CENPO: variants seen among roughly 807,000 people sequenced by gnomAD.
CENPO encodes centromere protein O, also known as centromeric protein O.
Under a neutral mutation model 36.1 loss-of-function variants are expected in CENPO, and 30 were observed. The observed-to-expected ratio is 0.83, with a 90% confidence interval of 0.62 to 1.13. CENPO has a LOEUF of 1.13. Among genes scored for constraint, CENPO ranks in the 50% most tolerant of loss-of-function variants. CENPO has a pLI of 0.00. For missense variants in CENPO, 349 were observed against 357.8 expected, an observed-to-expected ratio of 0.98 and a Z score of 0.20; for synonymous variants, 171 against 142.3, an observed-to-expected ratio of 1.20 and a Z score of -1.44.
Position 24,822,334 on chromosome 2 carries a change from CTGCT to C in CENPO, c.*3020_*3023del, listed in dbSNP as rs2148357934. 1 of 895,024 alleles carries C rather than the reference CTGCT, an allele frequency of 1.1e-6. No individual in the cohort carries two copies. Among genetic ancestry groups the C allele is most frequent in the African/African-American group, 1.7e-5 (1 of 59,706 alleles). The allele number at this position is 895,024 out of a possible 1,614,324, so 55.4% of individuals were successfully genotyped here. A position where few individuals can be genotyped will look rare whatever the true frequency, so the allele number is the denominator to read the frequency against. ...GGGGTTGTGTGTCTGTTCTGTTTCT[CTGCT>C]TGCCGAACTTTCTCAATAAACCCTA... On this transcript the variant is annotated 3_prime_UTR_variant, in exon 8 of 8. Transcript: ENST00000380834.
intron 3 of CENPO, among the ~76,000 whole-genome samples, chr2:24,801,825 C>T (rs560395054): frequency 2.0e-5 from 3 of 152,216 alleles, no homozygotes; most frequent in South Asian, 4.2e-4. Context: ...TTTTTGGTTC[C>T]ATATGAATTT....
rs374439681 is a variant in CENPO at position 24,799,656 on chromosome 2, C to T, written c.47-19C>T. The T allele has an allele frequency of 3.8e-6, 6 of 1,564,634 alleles. No homozygotes were observed. Among genetic ancestry groups the T allele is most frequent in the Non-Finnish European group, 5.2e-6 (6 of 1,149,400 alleles). ...GAAATCCTCAGCTTCTTGTAAAATT[C>T]TCCTTTTACTCTCCTTAGGTGTTTT... On this transcript the variant is annotated intron_variant, in intron 2 of 7. Coordinates refer to ENST00000380834, the MANE Select transcript of CENPO (RefSeq NM_001322101.2).
chr2:24,815,840 CCTAA>C lies in CENPO; in HGVS notation c.594+87_594+90del, dbSNP rs1252111991. 99 of 1,309,402 alleles carry C rather than the reference CCTAA, an allele frequency of 7.6e-5. No homozygotes were observed. In the African/African-American group the frequency reaches 1.4e-3, roughly 18 times the overall value. The allele number at this position is 1,309,402 out of a possible 1,614,324, so 81.1% of individuals were successfully genotyped here. ...GATGTTTTTTGTATTTTCAGTGTTT[CCTAA>C]CTGTGAGTTAGAAGTTTGACCGTTA... On this transcript the variant is annotated intron_variant, in intron 5 of 7. Transcript: ENST00000380834.
rs761004485 is a variant in CENPO at position 24,793,972 on chromosome 2, A to C, written c.46+7A>C. 6.2e-7 allele frequency: 1 copy of C among 1,607,026 alleles called. No individual in the cohort carries two copies. The highest frequency in any genetic ancestry group is 2.2e-5 in the East Asian group (1 of 44,842). ...GATGGCGAGTCCAAAGGAGGTATTC[A>C]GAGGGTCGCCGCCTCCTTCCTGCTG... On this transcript the variant is annotated splice_region_variant and intron_variant, in intron 2 of 7. Coordinates refer to ENST00000380834, the MANE Select transcript of CENPO (RefSeq NM_001322101.2).
intron 3 of CENPO, among the ~76,000 whole-genome samples, chr2:24,813,018 G>C (rs1170135064): frequency 6.6e-6 from 1 of 151,910 alleles, no homozygotes; most frequent in Non-Finnish European, 1.5e-5. Flanking sequence ...GGCCAAGGCG[G>C]GTGGATCATC....
chr2:24,819,844 C>CA lies in CENPO; in HGVS notation c.*527dup. On this transcript the variant is annotated 3_prime_UTR_variant, in exon 8 of 8. Transcript: ENST00000380834. ...TCTAAACCTAAAGTCCATGAGTGTGCACTTCAATCCAGGAAGGTCGGGACT... is the reference window on the plus strand; with the variant it reads ...TCTAAACCTAAAGTCCATGAGTGTGCAACTTCAATCCAGGAAGGTCGGGACT... 1 of 1,380,762 alleles carries CA rather than the reference C, an allele frequency of 7.2e-7. No homozygotes were observed. The highest frequency in any genetic ancestry group is 9.9e-7 in the Non-Finnish European group (1 of 1,005,924). The allele number at this position is 1,380,762 out of a possible 1,614,324, so 85.5% of individuals were successfully genotyped here.
rs1202798139 is a variant in CENPO, at chr2:24,815,499, C to G, written c.337C>G (p.Leu113Val). The change falls in exon 5 of 8, where the codon CTC becomes GTC. Residue 113 changes from leucine (L) to valine (V), a missense_variant and splice_region_variant. Physicochemically the swap from Leu to Val is conservative, Grantham distance 32. Coordinates refer to ENST00000380834, the MANE Select transcript of CENPO (RefSeq NM_001322101.2). ...AILQAYHFTG[L>V]SGKLTSRGVC... ...AGGTGTCTTCTTGTTTGCCTCAGGCCTCAGTGGTAAACTGACCAGCCGAGG... is the reference window on the plus strand; with the variant it reads ...AGGTGTCTTCTTGTTTGCCTCAGGCGTCAGTGGTAAACTGACCAGCCGAGG... 1 of 1,613,736 alleles carries G rather than the reference C, an allele frequency of 6.2e-7. No homozygotes were observed. Among genetic ancestry groups the G allele is most frequent in the Non-Finnish European group, 8.5e-7 (1 of 1,179,676 alleles).
At position 24,820,175 on chromosome 2, in the gene CENPO, T is replaced by TGGGGGGGG; in HGVS notation, c.*862_*863insGGGGGGGG. 10 of 425,502 alleles carry TGGGGGGGG rather than the reference T, an allele frequency of 2.4e-5. No individual in the cohort carries two copies. The highest frequency in any genetic ancestry group is 6.5e-4 in the Middle Eastern group (1 of 1,550). The allele number at this position is 425,502 out of a possible 1,614,324, so 26.4% of individuals were successfully genotyped here. A position where few individuals can be genotyped will look rare whatever the true frequency, so the allele number is the denominator to read the frequency against. ...GGGGGGAGCCTAGACTGAGGGCGGG[T>TGGGGGGGG]GGGGGCTTTGGGTGGTTGGAGCCGA... On this transcript the variant is annotated 3_prime_UTR_variant, in exon 8 of 8. Coordinates refer to ENST00000380834, the MANE Select transcript of CENPO (RefSeq NM_001322101.2).
intron 7 of CENPO, among the ~76,000 whole-genome samples, chr2:24,818,255 GCT>G (rs1291677093): frequency 6.6e-6 from 1 of 152,116 alleles, no homozygotes; most frequent in Non-Finnish European, 1.5e-5. Flanking sequence ...TTCAGAAAGG[GCT>G]CTCACAGAAA....
intron 3 of CENPO, among the ~76,000 whole-genome samples, chr2:24,801,341 G>A (rs1328833392): frequency 1.6e-4 from 24 of 152,072 alleles, no homozygotes; most frequent in South Asian, 2.1e-4. Context: ...ATTAGATCCC[G>A]TTTGTCAATT....
intron 2 of CENPO, among the ~76,000 whole-genome samples, chr2:24,798,489 C>T (rs559413962): frequency 5.9e-5 from 9 of 151,420 alleles, no homozygotes; most frequent in South Asian, 2.1e-4. Context: ...TTTTTTGAGA[C>T]GGAGTCTGTC....
rs555502959 is a variant in CENPO at position 24,814,483 on chromosome 2, T to C, written c.324T>C (p.Tyr108=). The change falls in exon 4 of 8, where the codon TAT becomes TAC. Residue 108 remains tyrosine, a synonymous_variant. Transcript: ENST00000380834. ...LENVKAILQA[Y]HFTGLSGKLT... ...ATGTGAAAGCCATTCTGCAGGCATATCATTTTACAGGTTTTGTTTGTTTTT... is the reference window on the plus strand; with the variant it reads ...ATGTGAAAGCCATTCTGCAGGCATACCATTTTACAGGTTTTGTTTGTTTTT... The C allele has an allele frequency of 1.5e-5, 22 of 1,507,844 alleles. No individual in the cohort carries two copies. The Admixed American group carries it at 1.5e-4, about 10-fold the overall frequency. 93.4% of individuals were successfully genotyped at this position (1,507,844 alleles called of 1,614,324 possible).
intron 3 of CENPO, among the ~76,000 whole-genome samples, chr2:24,805,671 A>G (rs1294628346): frequency 6.6e-6 from 1 of 152,082 alleles, no homozygotes; most frequent in Non-Finnish European, 1.5e-5. Context: ...CTGCTGCCTG[A>G]TCGTTCCTCT....
rs1356141279 is a variant in CENPO, at chr2:24,817,537, A to T, written c.767-133A>T. 1.1e-5 allele frequency: 13 copies of T among 1,146,656 alleles called. No homozygotes were observed. In the African/African-American group the frequency reaches 2.0e-4, roughly 18 times the overall value. 71.0% of individuals were successfully genotyped at this position (1,146,656 alleles called of 1,614,324 possible). On this transcript the variant is annotated intron_variant, in intron 6 of 7. Coordinates refer to ENST00000380834, the MANE Select transcript of CENPO (RefSeq NM_001322101.2). ...TCCAGGTTCCGATTCCCCCAGCTGC[A>T]CTGAGTGAGATTGAATGTCAGTGAT...
chr2:24,793,777 AGTGGTGT>A, intron 1 of CENPO, 68 bp from the exon 2 acceptor site: 1 of 1,158,294 alleles, frequency 8.6e-7, no homozygotes, highest in Non-Finnish European at 1.3e-6. Context: ...GTTGTGCCTG[AGTGGTGT>A]GTGCCCTGCC....
intron 1 of CENPO, 83 bp downstream of exon 1, chr2:24,793,584 A>C (rs1339240375): frequency 2.7e-6 from 4 of 1,472,744 alleles, no homozygotes; most frequent in Non-Finnish European, 3.6e-6. Flanking sequence ...CGGCCTTCTT[A>C]AAACTCCTTC....
rs1667579983 is a variant in CENPO at position 24,821,012 on chromosome 2, C to T, written c.*1694C>T. ...TATTGGAGGGTGGAAATCACATCTC[C>T]TGTTTATCCGTGTGCTTGTTAGGTG... On this transcript the variant is annotated 3_prime_UTR_variant, in exon 8 of 8. Transcript: ENST00000380834. 9.9e-7 allele frequency: 1 copy of T among 1,006,954 alleles called. No individual in the cohort carries two copies. The highest frequency in any genetic ancestry group is 1.4e-6 in the Non-Finnish European group (1 of 705,018). The allele number at this position is 1,006,954 out of a possible 1,614,324, so 62.4% of individuals were successfully genotyped here.
intron 3 of CENPO, among the ~76,000 whole-genome samples, chr2:24,810,823 TTCTG>T (rs2148279584): frequency 6.6e-6 from 1 of 152,272 alleles, no homozygotes; most frequent in African/African-American, 2.4e-5. Flanking sequence ...GGTAAGTTTT[TTCTG>T]TCTTTCTGCT....
At chr2:24,811,282 C>CTTTTGTTTTT (rs1666670244) in intron 3 of CENPO, among the ~76,000 whole-genome samples, 3 of 105,552 alleles carry the variant, frequency 2.8e-5, no homozygotes, top group African/African-American at 1.1e-4. Context: ...AGTCCATGAA[C>CTTTTGTTTTT]TTTTTTTTTT....
Sources: allele counts gnomAD v4.1 joint callset (sites outside exome capture counted in the v4.1 genomes callset), GRCh38; gene constraint gnomAD v4.1.1; transcripts MANE v1.5; gene names NCBI Gene and HGNC (gene_info 2026-07-23, HGNC 2026-07-21).